PAX2: variants seen among roughly 807,000 people sequenced by gnomAD.
PAX2 encodes paired box protein Pax-2.
Under a neutral mutation model 41.7 loss-of-function variants are expected in PAX2, and 9 were observed. The observed-to-expected ratio is 0.22, with a 90% CI of 0.13 to 0.38. The LOEUF (loss-of-function observed/expected upper bound fraction) is 0.38, where lower values mean the gene tolerates loss of function less well. Ranked by LOEUF, PAX2 falls within the 10% of genes least tolerant of loss-of-function variation. The pLI is 1.00. For missense variants in PAX2, 418 were observed against 531.6 expected, an observed-to-expected ratio of 0.79 and a Z score of 2.10; for synonymous variants, 221 against 212.7, an observed-to-expected ratio of 1.04 and a Z score of -0.34.
chr10:100,755,887 A>T (rs1845608433), intron 3 of PAX2, among the ~76,000 whole-genome samples: 1 of 152,006 alleles, frequency 6.6e-6, no homozygotes, highest in Non-Finnish European at 1.5e-5. Context: ...GGAGTAGGGG[A>T]GATTAGGGAA....
intron 1 of PAX2, among the ~76,000 whole-genome samples, chr10:100,740,100 T>C (rs1844901335): frequency 6.6e-6 from 1 of 152,230 alleles, no homozygotes; most frequent in African/African-American, 2.4e-5. Flanking sequence ...TGGCTTTGAC[T>C]GATTAACTGC....
chr10:100,799,089 G>A (rs1847445508), intron 5 of PAX2, among the ~76,000 whole-genome samples: 1 of 152,254 alleles, frequency 6.6e-6, no homozygotes. Context: ...AGAGGCGGAA[G>A]TAATGTGTGG....
chr10:100,757,579 G>C (rs1246476426), intron 3 of PAX2, among the ~76,000 whole-genome samples: 2 of 152,234 alleles, frequency 1.3e-5, no homozygotes, highest in Non-Finnish European at 2.9e-5. Context: ...CAGCCAAGAA[G>C]GCGCTCTTCC....
intron 3 of PAX2, among the ~76,000 whole-genome samples, chr10:100,776,618 A>G (rs1846396723): frequency 6.6e-6 from 1 of 152,008 alleles, no homozygotes; most frequent in South Asian, 2.1e-4. Flanking sequence ...AGTCTCCTAA[A>G]TCCATACCTC....
chr10:100,788,361 G>A lies in PAX2; in HGVS notation c.616+6996G>A, dbSNP rs144494648. 5.1e-3 allele frequency among the ~76,000 whole-genome samples: 777 copies of A among 152,272 alleles called. 11 individuals are homozygous for A. The highest frequency in any genetic ancestry group is 0.018 in the African/African-American group (742 of 41,546). ...GCCCTGGTCACCAAGCTCTCTTCCC[G>A]GCTCTCCTTCTGGAGGGGCAGTGGG... On this transcript the variant is annotated intron_variant, in intron 5 of 9. Transcript: ENST00000355243.
intron 7 of PAX2, among the ~76,000 whole-genome samples, chr10:100,823,036 A>C (rs1295287474): frequency 2.6e-5 from 4 of 152,206 alleles, no homozygotes; most frequent in Non-Finnish European, 5.9e-5. Flanking sequence ...ATTCTGTGGC[A>C]AAAAGAAGGT....
rs1845318059 is a variant in PAX2 at position 100,748,864 on chromosome 10, T to C, written c.44-882T>C. On this transcript the variant is annotated intron_variant, in intron 1 of 9. Transcript: ENST00000355243. The surrounding 1 kb of genome is among the most constrained non-coding windows in gnomAD (Gnocchi z 5.0). ...GCTACACAGGGCGCCCCGAGAGTTA[T>C]TAACTCGCCAGCGAGGCCTATGCCG... The C allele has an allele frequency of 1.0e-6, 1 of 985,386 alleles. No individual in the cohort carries two copies. The highest frequency in any genetic ancestry group is 1.7e-5 in the African/African-American group (1 of 57,318). 61.0% of individuals were successfully genotyped at this position (985,386 alleles called of 1,614,324 possible). A position where few individuals can be genotyped will look rare whatever the true frequency, so the allele number is the denominator to read the frequency against.
rs75581492 is a variant in PAX2, at chr10:100,782,321, T to C, written c.616+956T>C. Among the ~76,000 whole-genome samples, 41 of 152,340 alleles carry C rather than the reference T, an allele frequency of 2.7e-4. No homozygotes were observed. The East Asian group carries it at 6.8e-3, about 25-fold the overall frequency. On this transcript the variant is annotated intron_variant, in intron 5 of 9. Coordinates refer to ENST00000355243, the MANE Select transcript of PAX2 (RefSeq NM_000278.5). ...TCCCATTAGCCCAGAACAGTCCCAA[T>C]TTATGCCTGTTGTCTCTGCATCTTG...
At chr10:100,798,326 G>A (rs1001034055) in intron 5 of PAX2, among the ~76,000 whole-genome samples, 1 of 151,880 alleles carries the variant, frequency 6.6e-6, no homozygotes, top group African/African-American at 2.4e-5. Context: ...ATGTTGGCCA[G>A]GCTGGTCTTG....
Position 100,827,098 on chromosome 10 carries a change from G to A in PAX2, c.1108+3G>A, listed in dbSNP as rs1016181897. On this transcript the variant is annotated splice_donor_region_variant and intron_variant, in intron 9 of 9. Coordinates refer to ENST00000355243, the MANE Select transcript of PAX2 (RefSeq NM_000278.5). The surrounding 1 kb of genome is among the most constrained non-coding windows in gnomAD (Gnocchi z 8.5). Reference sequence around the variant, plus strand: ...ATTCAGCAACCCCGCCTTACTAAGTGAGTACGCCACCTGGCTGGCCGGCGG... The same window carrying A: ...ATTCAGCAACCCCGCCTTACTAAGTAAGTACGCCACCTGGCTGGCCGGCGG... The A allele has an allele frequency of 1.2e-6, 2 of 1,609,158 alleles. No homozygotes were observed. Among genetic ancestry groups the A allele is most frequent in the Non-Finnish European group, 8.5e-7 (1 of 1,175,568 alleles).
intron 5 of PAX2, among the ~76,000 whole-genome samples, chr10:100,784,155 G>C (rs924220883): frequency 1.3e-5 from 2 of 152,218 alleles, no homozygotes; most frequent in African/African-American, 4.8e-5. Context: ...GAGCAGCTCA[G>C]ATGATTAAGA....
At chr10:100,758,298 G>C (rs182808228) in intron 3 of PAX2, among the ~76,000 whole-genome samples, 1 of 151,992 alleles carries the variant, frequency 6.6e-6, no homozygotes, top group Non-Finnish European at 1.5e-5. Flanking sequence ...CCACCACCAC[G>C]CCCGGCTAAT....
At chr10:100,804,986 T>C (rs1019944783) in intron 5 of PAX2, among the ~76,000 whole-genome samples, 1 of 149,808 alleles carries the variant, frequency 6.7e-6, no homozygotes, top group Non-Finnish European at 1.5e-5. Flanking sequence ...CTTCTCTCTC[T>C]CTCTCTCTCT....
intron 3 of PAX2, among the ~76,000 whole-genome samples, chr10:100,758,376 G>A (rs58081508): frequency 0.046 from 7,019 of 152,118 alleles, 452 homozygotes; most frequent in African/African-American, 0.14. Flanking sequence ...TCCTGACCTC[G>A]TGATCCGCCC....
intron 5 of PAX2, among the ~76,000 whole-genome samples, chr10:100,797,789 A>T (rs1847390531): frequency 6.6e-6 from 1 of 152,146 alleles, no homozygotes; most frequent in African/African-American, 2.4e-5. Context: ...AGCTCAGGAG[A>T]TTTATAGCAA....
Position 100,750,558 on chromosome 10 carries a change from C to G in PAX2, c.213-136C>G, listed in dbSNP as rs542219151. The G allele has an allele frequency of 2.7e-6, 2 of 747,872 alleles. No homozygotes were observed. The highest frequency in any genetic ancestry group is 3.5e-5 in the African/African-American group (2 of 57,576). 46.3% of individuals were successfully genotyped at this position (747,872 alleles called of 1,614,324 possible). A position where few individuals can be genotyped will look rare whatever the true frequency, so the allele number is the denominator to read the frequency against. The stretch of plus-strand genomic sequence containing the variant: ...GCCAGGCACCCTCAGGAAGTCAGCT[C>G]AGCCACACTGGGCCTTTTCCCTCCA... On this transcript the variant is annotated intron_variant, in intron 2 of 9. Transcript: ENST00000355243. This position sits in a 1 kb window ranked among gnomAD's most constrained non-coding sequence, Gnocchi z 4.1.
intron 3 of PAX2, among the ~76,000 whole-genome samples, chr10:100,752,226 T>C (rs1486469596): frequency 1.3e-5 from 2 of 152,178 alleles, no homozygotes; most frequent in Non-Finnish European, 2.9e-5. Flanking sequence ...GGTAACATAA[T>C]ACTGATCAGC....
At position 100,791,070 on chromosome 10, in the gene PAX2, C is replaced by G. The variant is rs1413562737; in HGVS notation, c.616+9705C>G. ...CCTGCACGGAGGCCTGGCCTTCCCTCCCTCCCATTCTTGGAGCCCTGTGGC... is the reference window on the plus strand; with the variant it reads ...CCTGCACGGAGGCCTGGCCTTCCCTGCCTCCCATTCTTGGAGCCCTGTGGC... On this transcript the variant is annotated intron_variant, in intron 5 of 9. Transcript: ENST00000355243. This position sits in a 1 kb window ranked among gnomAD's most constrained non-coding sequence, Gnocchi z 4.5. Among the ~76,000 whole-genome samples, 1 of 152,224 alleles carries G rather than the reference C, an allele frequency of 6.6e-6. No individual in the cohort carries two copies. Among genetic ancestry groups the G allele is most frequent in the Non-Finnish European group, 1.5e-5 (1 of 68,040 alleles).
chr10:100,767,460 G>A (rs780843819), intron 3 of PAX2, among the ~76,000 whole-genome samples: 3 of 152,090 alleles, frequency 2.0e-5, no homozygotes, highest in Non-Finnish European at 2.9e-5. Flanking sequence ...ATAAGACTTC[G>A]CTGTTAGTGA....
Sources: gnomAD v4.1 joint callset for allele counts (sites outside exome capture counted in the v4.1 genomes callset) on GRCh38, gnomAD v4.1.1 for gene constraint, Gnocchi (gnomAD v3.1) non-coding constraint, MANE v1.5 for transcripts, NCBI Gene and HGNC (gene_info 2026-07-23, HGNC 2026-07-21) for gene names.